The following PBRM1 variants were observed in gnomAD, a reference collection of about 807,000 sequenced individuals.
PBRM1 encodes polybromo 1, also known as protein polybromo-1.
Under a neutral mutation model 194.5 loss-of-function variants are expected in PBRM1, and 27 were observed. That is an observed-to-expected ratio of 0.14 (90% CI 0.10 to 0.19). The LOEUF is 0.19. PBRM1 is among the 10% of genes least tolerant of loss of function. PBRM1 has a pLI of 1.00. For synonymous variants in PBRM1, 655 were observed against 693.2 expected (o/e 0.94, Z 0.87); for missense variants, 1,466 against 2,077.2 (o/e 0.71, Z 5.72).
intron 19 of PBRM1, 29 bp downstream of exon 21, chr3:52,587,324 G>A (rs1329309820): frequency 6.6e-7 from 1 of 1,512,758 alleles, no homozygotes; most frequent in African/African-American, 1.4e-5. Flanking sequence ...GGGAATGAGT[G>A]AGACTTTGGG....
At position 52,654,395 on chromosome 3, in the gene PBRM1, TG is replaced by T. The variant is rs778592990; in HGVS notation, c.646-2586del. Among the ~76,000 whole-genome samples the T allele has an allele frequency of 3.5e-4, 54 of 152,338 alleles. No homozygotes were observed. The Middle Eastern group carries it at 0.01, about 29-fold the overall frequency. On this transcript the variant is annotated intron_variant, in intron 5 of 29. Coordinates refer to ENST00000296302, the Ensembl canonical transcript of PBRM1. The stretch of plus-strand genomic sequence containing the variant: ...GAGAGAAAGTTCAGAGGACAAATTA[TG>T]GCAAGGCCACCCAGCATGGAGTACA...
chr3:52,603,765 C>A (rs1249822387), intron 16 of PBRM1, 33 bp from the exon 19 acceptor site: 2 of 1,568,468 alleles, frequency 1.3e-6, no homozygotes, highest in Non-Finnish European at 1.7e-6. Context: ...CATTGACATA[C>A]AAGCTGTTTC....
At chr3:52,611,804 C>CACAAA (rs772715707) in intron 15 of PBRM1, among the ~76,000 whole-genome samples, 8 of 151,624 alleles carry the variant, frequency 5.3e-5, no homozygotes, top group Non-Finnish European at 8.8e-5. Flanking sequence ...ACCCTGTCTC[C>CACAAA]ACAAAACAAA....
At chr3:52,648,350 T>C (rs1242429139) in exon 7 of PBRM1, 1 of 1,585,738 alleles carries the variant, frequency 6.3e-7, no homozygotes. Context: ...TAACCTTGAA[T>C]ACTTGAGAGC....
intron 26 of PBRM1, among the ~76,000 whole-genome samples, chr3:52,556,402 A>C (rs1309183818): frequency 2.0e-5 from 3 of 152,236 alleles, no homozygotes; most frequent in Non-Finnish European, 2.9e-5. Context: ...AAACATGAAG[A>C]GATCCAATGC....
At chr3:52,612,026 G>A (rs922371871) in intron 15 of PBRM1, among the ~76,000 whole-genome samples, 10 of 151,728 alleles carry the variant, frequency 6.6e-5, no homozygotes, top group African/African-American at 2.2e-4. Context: ...TTGGGAGGCC[G>A]AGGCGGGCAG....
downstream of PBRM1, chr3:52,546,822 G>A (rs879104853): frequency 8.2e-5 from 19 of 233,094 alleles, no homozygotes; most frequent in South Asian, 1.5e-3. Context: ...TCTAGTAAGC[G>A]TTTTATTAAA....
chr3:52,546,881 A>C (rs2079747638), downstream of PBRM1: 1 of 233,134 alleles, frequency 4.3e-6, no homozygotes. Flanking sequence ...AAATTTAAAA[A>C]ATATTTTAGA....
rs983910175 is a variant in PBRM1, at chr3:52,635,679, T to C, written c.1088-864A>G. On this transcript the variant is annotated intron_variant, in intron 10 of 29. Coordinates refer to ENST00000296302, the Ensembl canonical transcript of PBRM1. Reference sequence around the variant, plus strand: ...TATTACATAGAAATAGAATATTAAATAGTAAAAGTACAATAGTTTTAAAGG... The same window carrying C: ...TATTACATAGAAATAGAATATTAAACAGTAAAAGTACAATAGTTTTAAAGG... 5.9e-5 allele frequency among the ~76,000 whole-genome samples: 9 copies of C among 152,326 alleles called. 1 individual carries two copies. In the South Asian group the frequency reaches 1.7e-3, roughly 28 times the overall value.
At chr3:52,592,662 T>C (rs1205399549) in intron 17 of PBRM1, among the ~76,000 whole-genome samples, 6 of 152,238 alleles carry the variant, frequency 3.9e-5, no homozygotes, top group Non-Finnish European at 1.5e-5. Flanking sequence ...AGGATGATGC[T>C]GGCCTCAAAG....
intron 28 of PBRM1, 49 bp downstream of exon 30, chr3:52,550,698 G>C (rs751925960): frequency 1.3e-6 from 2 of 1,587,128 alleles, no homozygotes; most frequent in Admixed American, 1.7e-5. Context: ...TTCTGAGAAG[G>C]ATAACTCGAA....
At position 52,642,060 on chromosome 3, in the gene PBRM1, AAAG is replaced by A; in HGVS notation, c.996-18_996-16del. On this transcript the variant is annotated splice_polypyrimidine_tract_variant and intron_variant, in intron 9 of 29. Coordinates refer to ENST00000296302, the Ensembl canonical transcript of PBRM1. ...CTCTTTTATTACTACAAAAAAAAAA[AAAG>A]CAATTAGACAGGGAAGGATGTTATA... 2.2e-6 allele frequency: 3 copies of A among 1,351,194 alleles called. No individual in the cohort carries two copies. Among genetic ancestry groups the A allele is most frequent in the Non-Finnish European group, 3.2e-6 (3 of 945,308 alleles). 83.7% of individuals were successfully genotyped at this position (1,351,194 alleles called of 1,614,324 possible). A position where few individuals can be genotyped will look rare whatever the true frequency, so the allele number is the denominator to read the frequency against.
chr3:52,581,196 G>A (rs527903249), intron 20 of PBRM1, among the ~76,000 whole-genome samples: 1 of 152,266 alleles, frequency 6.6e-6, no homozygotes, highest in South Asian at 2.1e-4. Flanking sequence ...TACTGAAATG[G>A]TATTCTTGGA....
chr3:52,630,535 G>A lies in PBRM1; in HGVS notation c.1302-1500C>T, dbSNP rs76927765. On this transcript the variant is annotated intron_variant, in intron 11 of 29. Transcript: ENST00000296302. ...ATAATAAAACATTTTCATCAACGCAGAAAGTTCTGTTGAATAGCACTGCCC... is the reference window on the plus strand; with the variant it reads ...ATAATAAAACATTTTCATCAACGCAAAAAGTTCTGTTGAATAGCACTGCCC... Among the ~76,000 whole-genome samples the A allele has an allele frequency of 4.6e-5, 7 of 152,318 alleles. No homozygotes were observed. The East Asian group carries it at 1.3e-3, about 29-fold the overall frequency.
At chr3:52,563,847 G>A (rs575368097) in intron 23 of PBRM1, among the ~76,000 whole-genome samples, 2 of 151,794 alleles carry the variant, frequency 1.3e-5, no homozygotes, top group South Asian at 2.1e-4. Flanking sequence ...TGGAGTCTAC[G>A]CCAAGGGCAC....
exon 23 of PBRM1, chr3:52,564,104 A>G (rs778866834): frequency 3.7e-6 from 6 of 1,613,940 alleles, no homozygotes; most frequent in Non-Finnish European, 3.4e-6. Flanking sequence ...AAACCTCTTC[A>G]ATCCTTTGAA....
At chr3:52,645,704 T>C (rs888210140) in intron 7 of PBRM1, among the ~76,000 whole-genome samples, 5 of 152,170 alleles carry the variant, frequency 3.3e-5, no homozygotes, top group African/African-American at 1.2e-4. Flanking sequence ...ACACAGTGAC[T>C]AACGGCAGGT....
chr3:52,666,375 A>G (rs192937721), intron 3 of PBRM1, among the ~76,000 whole-genome samples: 4 of 152,190 alleles, frequency 2.6e-5, no homozygotes, highest in Admixed American at 2.0e-4. Context: ...AAACCACGTA[A>G]AAATACAAAA....
At chr3:52,549,025 T>G (rs948658944) in intron 29 of PBRM1, among the ~76,000 whole-genome samples, 3 of 146,592 alleles carry the variant, frequency 2.0e-5, no homozygotes. Context: ...GTAAAATAGT[T>G]TTTTTTTTTT....
Sources: allele counts gnomAD v4.1 joint callset (sites outside exome capture counted in the v4.1 genomes callset), GRCh38; gene constraint gnomAD v4.1.1; transcripts MANE v1.5; gene names NCBI Gene and HGNC (gene_info 2026-07-23, HGNC 2026-07-21).